ABLIM3: variants seen among roughly 807,000 people sequenced by gnomAD.
ABLIM3 encodes actin binding LIM protein family member 3.
A neutral mutation model predicts 109.5 loss-of-function variants in ABLIM3; 61 were observed. That is an observed-to-expected ratio of 0.56 (90% CI 0.45 to 0.69). The LOEUF is 0.69. ABLIM3 is among the 30% of genes least tolerant of loss of function. The pLI, the probability that ABLIM3 is intolerant of heterozygous loss-of-function variation, is 0.00. For missense variants in ABLIM3, 796 were observed against 889.5 expected (o/e 0.89, Z 1.34); for synonymous variants, 300 against 324.8 (o/e 0.92, Z 0.82).
intron 2 of ABLIM3, among the ~76,000 whole-genome samples, chr5:149,160,356 G>A (rs568575185): frequency 6.6e-6 from 1 of 151,976 alleles, no homozygotes; most frequent in Non-Finnish European, 1.5e-5. Context: ...CTACTCAAGA[G>A]GCTGACACAG....
At chr5:149,187,068 A>G (rs1561565394) in intron 3 of ABLIM3, among the ~76,000 whole-genome samples, 1 of 152,190 alleles carries the variant, frequency 6.6e-6, no homozygotes, top group Non-Finnish European at 1.5e-5. Flanking sequence ...GGTGGTAAAA[A>G]TAAAAAAGAA....
chr5:149,209,100 A>C (rs761484373), intron 6 of ABLIM3, among the ~76,000 whole-genome samples: 12 of 151,988 alleles, frequency 7.9e-5, no homozygotes, highest in Non-Finnish European at 1.8e-4. Flanking sequence ...TCTCGATGCC[A>C]TGCTAGCAGG....
intron 8 of ABLIM3, chr5:149,220,257 T>G (rs556844351): frequency 5.3e-5 from 8 of 152,324 alleles, no homozygotes; most frequent in East Asian, 1.9e-4. Flanking sequence ...GTGCTTTCAT[T>G]CTTCCAACTT....
Position 149,198,487 on chromosome 5 carries a change from G to C in ABLIM3, c.335+85G>C. On this transcript the variant is annotated intron_variant, in intron 4 of 23. Coordinates refer to ENST00000309868, the MANE Select transcript of ABLIM3 (RefSeq NM_014945.5). This position sits in a 1 kb window ranked among gnomAD's most constrained non-coding sequence, Gnocchi z 4.2. ...ACCTGGCTTTTTCCAGGAAGTTCTG[G>C]GGTTTACAAGGTTTGTGCTGCACAT... 1 of 1,447,124 alleles carries C rather than the reference G, an allele frequency of 6.9e-7. No individual in the cohort carries two copies. The highest frequency in any genetic ancestry group is 9.2e-7 in the Non-Finnish European group (1 of 1,090,176). The allele number at this position is 1,447,124 out of a possible 1,614,324, so 89.6% of individuals were successfully genotyped here. A position where few individuals can be genotyped will look rare whatever the true frequency, so the allele number is the denominator to read the frequency against.
chr5:149,173,029 A>G (rs1755589815), intron 2 of ABLIM3, among the ~76,000 whole-genome samples: 1 of 152,238 alleles, frequency 6.6e-6, no homozygotes, highest in Non-Finnish European at 1.5e-5. Context: ...CAGAGAAGAA[A>G]GAAGAAAGGA....
At chr5:149,161,126 C>T (rs1263528072) in intron 2 of ABLIM3, among the ~76,000 whole-genome samples, 7 of 152,188 alleles carry the variant, frequency 4.6e-5, no homozygotes, top group Admixed American at 2.6e-4. Flanking sequence ...GGAGCCTGTC[C>T]TCTAGCCCAG....
chr5:149,193,720 A>G (rs1757711208), intron 3 of ABLIM3, among the ~76,000 whole-genome samples: 1 of 152,220 alleles, frequency 6.6e-6, no homozygotes, highest in African/African-American at 2.4e-5. Flanking sequence ...ATTAAAACCT[A>G]TTAAGACCAT....
chr5:149,170,296 C>CT (rs1188951932), intron 2 of ABLIM3, among the ~76,000 whole-genome samples: 2 of 151,590 alleles, frequency 1.3e-5, no homozygotes, highest in Non-Finnish European at 2.9e-5. Flanking sequence ...CTCTCCGTCT[C>CT]TAATAGGTTC....
At position 149,200,311 on chromosome 5, in the gene ABLIM3, T is replaced by G; in HGVS notation, c.336-5T>G. ...TGTTGAATTTCTCCCTCATCCCACT[T>G]GCAGGAAGCCTTTCCCCATTGGAGA... On this transcript the variant is annotated splice_region_variant and splice_polypyrimidine_tract_variant and intron_variant, in intron 4 of 23. Transcript: ENST00000309868. 1 of 1,613,948 alleles carries G rather than the reference T, an allele frequency of 6.2e-7. No homozygotes were observed. Among genetic ancestry groups the G allele is most frequent in the South Asian group, 1.1e-5 (1 of 91,082 alleles).
chr5:149,167,596 C>A (rs72837022), intron 2 of ABLIM3, among the ~76,000 whole-genome samples: 2 of 152,110 alleles, frequency 1.3e-5, no homozygotes, highest in African/African-American at 4.8e-5. Flanking sequence ...TTTTTAATTG[C>A]ACATGAATTG....
At chr5:149,175,023 T>C (rs1259149576) in intron 2 of ABLIM3, among the ~76,000 whole-genome samples, 1 of 152,204 alleles carries the variant, frequency 6.6e-6, no homozygotes, top group Non-Finnish European at 1.5e-5. Context: ...GACTGGGGGC[T>C]TTGTAAAGAT....
rs996897333 is a variant in ABLIM3 at position 149,141,596 on chromosome 5, C to G, written c.-146C>G. 11 of 158,304 alleles carry G rather than the reference C, an allele frequency of 6.9e-5. No individual in the cohort carries two copies. The highest frequency in any genetic ancestry group is 2.6e-4 in the African/African-American group (11 of 41,542). The allele number at this position is 158,304 out of a possible 1,614,324, so 9.8% of individuals were successfully genotyped here. On this transcript the variant is annotated 5_prime_UTR_variant, in exon 1 of 24. It introduces an in-frame stop codon into an upstream open reading frame of the 5' UTR. Coordinates refer to ENST00000309868, the MANE Select transcript of ABLIM3 (RefSeq NM_014945.5). ...GAGACCCCAGACGAGGACCAGGATT[C>G]ATGAAATCAGTCGCAGGGGCCGGGG...
chr5:149,183,165 CTA>C (rs1756611718), intron 2 of ABLIM3, among the ~76,000 whole-genome samples: 1 of 152,146 alleles, frequency 6.6e-6, no homozygotes, highest in South Asian at 2.1e-4. Flanking sequence ...TTGAAATACT[CTA>C]TGTCCTCTTA....
At position 149,259,946 on chromosome 5, in the gene ABLIM3, G is replaced by A. The variant is rs867625221; in HGVS notation, c.*1542G>A. The A allele has an allele frequency of 4.8e-5, 12 of 248,000 alleles. No individual in the cohort carries two copies. The highest frequency in any genetic ancestry group is 1.4e-3 in the Middle Eastern group (1 of 722). 15.4% of individuals were successfully genotyped at this position (248,000 alleles called of 1,614,324 possible). ...GAATGGGGGAGGGGGAGGGGAGCACGGGGTGAGTCAACCTGGGACTCGGTC... is the reference window on the plus strand; with the variant it reads ...GAATGGGGGAGGGGGAGGGGAGCACAGGGTGAGTCAACCTGGGACTCGGTC... On this transcript the variant is annotated 3_prime_UTR_variant, in exon 24 of 24. Coordinates refer to ENST00000309868, the MANE Select transcript of ABLIM3 (RefSeq NM_014945.5).
At chr5:149,206,144 G>A (rs771830127) in intron 5 of ABLIM3, among the ~76,000 whole-genome samples, 11 of 152,324 alleles carry the variant, frequency 7.2e-5, no homozygotes, top group Admixed American at 5.9e-4. Flanking sequence ...TGCCTTGGAC[G>A]TTGGCTCCAT....
chr5:149,179,614 T>C (rs188594716), intron 2 of ABLIM3, among the ~76,000 whole-genome samples: 14 of 152,226 alleles, frequency 9.2e-5, no homozygotes, highest in Admixed American at 7.2e-4. Context: ...GTACATTTTT[T>C]TTTTTATTTC....
chr5:149,149,554 A>G (rs1325784614), intron 2 of ABLIM3, among the ~76,000 whole-genome samples: 1 of 152,228 alleles, frequency 6.6e-6, no homozygotes, highest in East Asian at 1.9e-4. Context: ...CATGGGTTGA[A>G]AAAGGGAAGA....
chr5:149,153,005 G>A (rs1463706742), intron 2 of ABLIM3, among the ~76,000 whole-genome samples: 2 of 152,072 alleles, frequency 1.3e-5, no homozygotes, highest in East Asian at 3.9e-4. Flanking sequence ...CTGGCACATA[G>A]TAGGTACTCA....
At chr5:149,234,129 C>T (rs994252879) in intron 10 of ABLIM3, among the ~76,000 whole-genome samples, 1 of 152,194 alleles carries the variant, frequency 6.6e-6, no homozygotes, top group African/African-American at 2.4e-5. Context: ...AAGAAAAGCA[C>T]AGGGTCCTCT....
Sources: gnomAD v4.1 joint callset for allele counts (sites outside exome capture counted in the v4.1 genomes callset) on GRCh38, gnomAD v4.1.1 for gene constraint, Gnocchi (gnomAD v3.1) non-coding constraint, MANE v1.5 for transcripts, NCBI Gene and HGNC (gene_info 2026-07-23, HGNC 2026-07-21) for gene names.